Variants in SP3 observed in about 807,000 individuals in gnomAD.
SP3 encodes transcription factor Sp3.
In SP3, 10 loss-of-function variants were observed where a neutral mutation model predicts 70.3. That is an observed-to-expected ratio of 0.14 (90% confidence interval 0.09 to 0.24). The LOEUF is 0.24. Ranked by LOEUF, SP3 falls within the 10% of genes least tolerant of loss-of-function variation. SP3 has a pLI of 1.00. For missense variants in SP3, 825 were observed against 914.6 expected, an observed-to-expected ratio of 0.90 and a Z score of 1.26; for synonymous variants, 402 against 333.5, an observed-to-expected ratio of 1.21 and a Z score of -2.24.
chr2:173,944,236 A>T (rs1439839531), intron 4 of SP3, among the ~76,000 whole-genome samples: 2 of 152,234 alleles, frequency 1.3e-5, no homozygotes, highest in African/African-American at 4.8e-5. Context: ...AAGTACCTTC[A>T]TAAAATAAAG....
intron 4 of SP3, among the ~76,000 whole-genome samples, chr2:173,935,070 C>A (rs2105476406): frequency 6.6e-6 from 1 of 152,230 alleles, no homozygotes; most frequent in South Asian, 2.1e-4. Context: ...TTCTTTCTTC[C>A]AAAACCTGTT....
chr2:173,955,385 G>A lies in SP3; in HGVS notation c.1127C>T (p.Pro376Leu). ...SDLQGNYIQS[P>L]VSEETQAQNI... ...CTGTGCCTGTGTCTCTTCAGAAACA[G>A]GCGACTGGATATAATTTCCCTGAAG... The change falls in exon 4 of 7, where the codon CCT (proline) becomes CTT (leucine). Residue 376 changes from proline (P) to leucine (L), a missense_variant. By Grantham distance (98) the Pro-to-Leu change is moderately conservative (BLOSUM62 -3). Around this residue, in one of 4 missense-constraint regions of SP3, gnomAD observed 678 missense variants for 651.6 expected, o/e 1.04. Coordinates refer to ENST00000310015, the MANE Select transcript of SP3 (RefSeq NM_003111.5). The A allele has an allele frequency of 6.2e-7, 1 of 1,614,026 alleles. No individual in the cohort carries two copies. The highest frequency in any genetic ancestry group is 8.5e-7 in the Non-Finnish European group (1 of 1,180,008).
In SP3 at chr2:173,950,080, T is replaced by C. The variant is rs914103674; in HGVS notation, c.1639+4793A>G. Among the ~76,000 whole-genome samples, 8 of 152,264 alleles carry C rather than the reference T, an allele frequency of 5.3e-5. No individual in the cohort carries two copies. In the East Asian group the frequency reaches 1.4e-3, roughly 26 times the overall value. On this transcript the variant is annotated intron_variant, in intron 4 of 6. Transcript: ENST00000310015. ...TCCTAAAACAGCATGCATTTCTCAG[T>C]GGGCCACAAATGGACAGAAATATGT...
At chr2:173,940,319 A>AT (rs1157003825) in intron 4 of SP3, among the ~76,000 whole-genome samples, 2 of 152,188 alleles carry the variant, frequency 1.3e-5, no homozygotes, top group East Asian at 3.9e-4. Context: ...TAGGTATTAG[A>AT]TTTTTCATAA....
intron 4 of SP3, among the ~76,000 whole-genome samples, chr2:173,919,011 A>C (rs1397880908): frequency 6.6e-6 from 1 of 152,204 alleles, no homozygotes. Context: ...TAATAACATT[A>C]ATTAGTTCAT....
At chr2:173,960,687 T>C (rs1348991520) in intron 3 of SP3, among the ~76,000 whole-genome samples, 1 of 152,196 alleles carries the variant, frequency 6.6e-6, no homozygotes, top group African/African-American at 2.4e-5. Context: ...TCACTTATTT[T>C]AGGCCAGGCG....
intron 4 of SP3, among the ~76,000 whole-genome samples, chr2:173,935,518 C>A (rs1461045993): frequency 1.3e-5 from 2 of 152,128 alleles, no homozygotes; most frequent in African/African-American, 4.8e-5. Context: ...ATATATTACC[C>A]ACTAAAACTT....
chr2:173,955,659 T>C lies in SP3; in HGVS notation c.853A>G (p.Thr285Ala), dbSNP rs1239675011. The C allele has an allele frequency of 6.8e-6, 11 of 1,614,126 alleles. No homozygotes were observed. In the South Asian group the frequency reaches 1.1e-4, roughly 16 times the overall value. Residue 285 changes from threonine to alanine, a missense_variant, in exon 4 of 7, where the codon ACA (threonine) becomes GCA (alanine). Physicochemically the swap from Thr to Ala is moderately conservative, Grantham distance 58. This residue lies in a region of SP3 where 678 missense variants were observed against 651.6 expected (regional missense o/e 1.04). Coordinates refer to ENST00000310015, the MANE Select transcript of SP3 (RefSeq NM_003111.5). ...TCGGCATTAATGCCTGCAGTCATTG[T>C]CTGAGAACTGCCCGAGAGTCCCAAA... ...DSLGLSGSSQ[T>A]MTAGINADGH...
At chr2:173,963,530 A>C (rs553303782) in intron 3 of SP3, among the ~76,000 whole-genome samples, 1 of 152,156 alleles carries the variant, frequency 6.6e-6, no homozygotes, top group Non-Finnish European at 1.5e-5. Context: ...CTCAGACTTC[A>C]TTTTGTGAAG....
chr2:173,925,580 A>T (rs148175674), intron 4 of SP3, among the ~76,000 whole-genome samples: 76 of 152,278 alleles, frequency 5.0e-4, no homozygotes, highest in Middle Eastern at 3.4e-3. Context: ...GTTTTTTACA[A>T]TTTTTTTAAA....
At chr2:173,962,732 G>A (rs560975975) in intron 3 of SP3, among the ~76,000 whole-genome samples, 1 of 151,862 alleles carries the variant, frequency 6.6e-6, no homozygotes, top group Admixed American at 6.6e-5. Flanking sequence ...ACTATTGAAA[G>A]TATCACTCCA....
chr2:173,955,033 T>C lies in SP3; in HGVS notation c.1479A>G (p.Gln493=), dbSNP rs201928516. ...AAQQITLTPV[Q]TLTLGQVAAG... ...CCGCAACTTGACCAAGTGTGAGGGT[T>C]TGAACAGGCGTCAAAGTTATTTGTT... Residue 493 remains glutamine (Q), a synonymous_variant, in exon 4 of 7, where the codon CAA becomes CAG. Transcript: ENST00000310015. 6.1e-5 allele frequency: 98 copies of C among 1,614,202 alleles called. 1 individual carries two copies. The highest frequency in any genetic ancestry group is 2.2e-5 in the South Asian group (2 of 91,086).
chr2:173,944,966 C>T (rs1690488432), intron 4 of SP3, among the ~76,000 whole-genome samples: 1 of 152,104 alleles, frequency 6.6e-6, no homozygotes, highest in Admixed American at 6.6e-5. Context: ...AAAACAAACA[C>T]TGAGCAGCCA....
At chr2:173,954,356 T>C (rs543588882) in intron 4 of SP3, among the ~76,000 whole-genome samples, 2 of 152,278 alleles carry the variant, frequency 1.3e-5, no homozygotes, top group African/African-American at 2.4e-5. Context: ...CCTAGACAGT[T>C]ACCTAGTCCA....
intron 4 of SP3, among the ~76,000 whole-genome samples, chr2:173,930,959 G>C (rs1690049779): frequency 6.6e-6 from 1 of 152,040 alleles, no homozygotes; most frequent in African/African-American, 2.4e-5. Context: ...ACATACCTCA[G>C]AAACACTACA....
intron 3 of SP3, among the ~76,000 whole-genome samples, chr2:173,961,204 T>C (rs567420042): frequency 6.6e-6 from 1 of 152,354 alleles, no homozygotes; most frequent in Non-Finnish European, 1.5e-5. Flanking sequence ...TACGACATTA[T>C]ATACGAGACT....
intron 3 of SP3, among the ~76,000 whole-genome samples, chr2:173,958,582 G>GAA (rs60433945): frequency 1.5e-5 from 2 of 134,084 alleles, no homozygotes; most frequent in Non-Finnish European, 1.6e-5. Context: ...AACGATGGGG[G>GAA]AAAAAAAAAA....
chr2:173,919,301 T>G (rs989861129), intron 4 of SP3, among the ~76,000 whole-genome samples: 1 of 152,218 alleles, frequency 6.6e-6, no homozygotes, highest in Non-Finnish European at 1.5e-5. Flanking sequence ...ACTGCACTCA[T>G]TCATACACAT....
chr2:173,956,300 A>G (rs1690892434), intron 3 of SP3, 68 bp from the exon 4 acceptor site: 25 of 1,477,298 alleles, frequency 1.7e-5, no homozygotes, highest in Middle Eastern at 1.8e-4. Flanking sequence ...AAAATTCTAA[A>G]AACTGGTATA....
Sources: gnomAD v4.1 joint callset for allele counts (sites outside exome capture counted in the v4.1 genomes callset) on GRCh38, gnomAD v4.1.1 for gene constraint, gnomAD v4.1.1 regional missense constraint, MANE v1.5 for transcripts, NCBI Gene and HGNC (gene_info 2026-07-23, HGNC 2026-07-21) for gene names.